The following AHCY variants were observed in gnomAD, a reference collection of about 807,000 sequenced individuals.
AHCY encodes S-adenosyl-L-homocysteine hydrolase.
AHCY carries 24 observed loss-of-function variants against 45.4 expected under a neutral mutation model. The observed-to-expected ratio is 0.53, with a 90% CI of 0.38 to 0.74. The LOEUF (loss-of-function observed/expected upper bound fraction) is 0.74. Among genes scored for constraint, AHCY ranks in the 30% least tolerant of loss-of-function variants. AHCY has a pLI of 0.00. For missense variants in AHCY, 449 were observed against 594.1 expected (o/e 0.76, Z 2.54); for synonymous variants, 245 against 235.1 (o/e 1.04, Z -0.39).
At chr20:34,249,870 T>C in the AHCY span, 2 of 152,230 alleles carry the variant, frequency 1.3e-5, no homozygotes, top group East Asian at 3.8e-4. Flanking sequence ...AAATCACATA[T>C]GCACAGTGTT....
chr20:34,308,955 ATT>A (rs769193254), intron 1 of AHCY, among the ~76,000 whole-genome samples: 23 of 89,556 alleles, frequency 2.6e-4, no homozygotes, highest in East Asian at 6.3e-4. Context: ...CGCCTGGCCA[ATT>A]TTTTTTTTTT....
intron 9 of AHCY, among the ~76,000 whole-genome samples, chr20:34,283,257 A>T (rs1254360227): frequency 6.6e-6 from 1 of 152,174 alleles, no homozygotes; most frequent in African/African-American, 2.4e-5. Flanking sequence ...GGACAGACAG[A>T]GCTAGGTTCT....
At chr20:34,263,762 G>A in the AHCY span, among the ~76,000 whole-genome samples, 12 of 150,936 alleles carry the variant, frequency 8.0e-5, no homozygotes, top group African/African-American at 1.5e-4. Flanking sequence ...TTCACCTGGC[G>A]AGTTCAAGCG....
downstream of AHCY, among the ~76,000 whole-genome samples, chr20:34,278,246 G>C (rs931888080): frequency 6.6e-6 from 1 of 152,194 alleles, no homozygotes; most frequent in African/African-American, 2.4e-5. Flanking sequence ...TCTGGGAACT[G>C]ACAGGACACC....
In AHCY at chr20:34,292,450, AG is replaced by A; in HGVS notation, c.352del (p.Leu118CysfsTer10). The A allele has an allele frequency of 6.2e-7, 1 of 1,614,112 alleles. No homozygotes were observed. Reference protein sequence around the residue: ...EEYLWCIEQTLYFKDGPLNMI... With the variant: ...EEYLWCIEQTXYFKDGPLNMI... ...GTTGAGGGGCCCGTCCTTGAAGTAC[AG>A]GGTCTGCTCAATGCACCACAGGTAC... On this transcript the variant is annotated frameshift_variant, in exon 4 of 10. Transcript: ENST00000217426. LOFTEE classifies it high-confidence loss of function.
chr20:34,303,018 C>T lies in AHCY; in HGVS notation c.28+225G>A, dbSNP rs895173001. 10 of 985,454 alleles carry T rather than the reference C, an allele frequency of 1.0e-5. No individual in the cohort carries two copies. The African/African-American group carries it at 1.6e-4, about 15-fold the overall frequency. The allele number at this position is 985,454 out of a possible 1,614,324, so 61.0% of individuals were successfully genotyped here. ...CTCGCAGACCGCGCGGCGGCCCCGG[C>T]GTCGCGGGGCATGCTGGGACTTGTA... is the stretch of plus-strand genomic sequence containing the variant. On this transcript the variant is annotated intron_variant, in intron 1 of 9. Coordinates refer to ENST00000217426, the MANE Select transcript of AHCY (RefSeq NM_000687.4).
At chr20:34,259,460 C>A in the AHCY span, among the ~76,000 whole-genome samples, 12 of 152,000 alleles carry the variant, frequency 7.9e-5, no homozygotes, top group Non-Finnish European at 1.5e-4. Context: ...TTGCAGTGAG[C>A]CAAGATCGTG....
Position 34,290,780 on chromosome 20 carries a change from G to GA in AHCY, c.716dup (p.Ile240HisfsTer6). The GA allele has an allele frequency of 6.2e-7, 1 of 1,613,884 alleles. No individual in the cohort carries two copies. The highest frequency in any genetic ancestry group is 8.5e-7 in the Non-Finnish European group (1 of 1,179,974). Reference sequence around the variant, plus strand: ...TGATGGGGTCAATCTCGGTGATGATGACGCGGGCTCCGAAACCCCGCAGGG... The same window carrying GA: ...TGATGGGGTCAATCTCGGTGATGATGAACGCGGGCTCCGAAACCCCGCAGGG... On this transcript the variant is annotated frameshift_variant, in exon 6 of 10. Transcript: ENST00000217426. LOFTEE classifies it high-confidence loss of function. This position sits in a 1 kb window ranked among gnomAD's most constrained non-coding sequence, Gnocchi z 4.5.
chr20:34,299,599 C>T (rs916930663), intron 1 of AHCY, among the ~76,000 whole-genome samples: 5 of 152,212 alleles, frequency 3.3e-5, no homozygotes, highest in African/African-American at 1.2e-4. Flanking sequence ...AACTACTCCC[C>T]TGAACTTGAG....
intron 1 of AHCY, among the ~76,000 whole-genome samples, chr20:34,310,605 A>G (rs1568822136): frequency 6.6e-6 from 1 of 152,238 alleles, no homozygotes; most frequent in African/African-American, 2.4e-5. Flanking sequence ...GAGCAAAATG[A>G]CGTTAAGAAC....
the AHCY span, among the ~76,000 whole-genome samples, chr20:34,241,083 T>C: frequency 5.9e-5 from 9 of 152,320 alleles, no homozygotes; most frequent in Non-Finnish European, 1.2e-4. Context: ...GAGGGGCTAA[T>C]AGAGGCACAG....
chr20:34,248,916 T>G, the AHCY span, among the ~76,000 whole-genome samples: 1 of 149,826 alleles, frequency 6.7e-6, no homozygotes, highest in Non-Finnish European at 1.5e-5. Context: ...AATCTAATAA[T>G]TCATCAGCCT....
At chr20:34,302,872 C>A (rs960993903) in intron 1 of AHCY, 1 of 985,342 alleles carries the variant, frequency 1.0e-6, no homozygotes. Flanking sequence ...CCCAGCTGGA[C>A]AGGGTCCGGT....
At chr20:34,306,515 C>T (rs1050289073), upstream of AHCY, among the ~76,000 whole-genome samples, 15 of 152,118 alleles carry the variant, frequency 9.9e-5, no homozygotes, top group South Asian at 2.7e-3. Context: ...ATTACAGGCA[C>T]ACGCTCCCAC....
chr20:34,270,250 TAAA>T, the AHCY span, among the ~76,000 whole-genome samples: 4 of 140,166 alleles, frequency 2.9e-5, no homozygotes, highest in African/African-American at 7.9e-5. Flanking sequence ...AAACTCTGGT[TAAA>T]AAAAAAAAAA....
Position 34,290,509 on chromosome 20 carries a change from C to T in AHCY, c.854+42G>A. ...GGGACAGAAAGCTGTCCCAACTCTG[C>T]CCTCCTCCCTCACTCCCCGGGACCC... On this transcript the variant is annotated intron_variant, in intron 7 of 9. Transcript: ENST00000217426. This position sits in a 1 kb window ranked among gnomAD's most constrained non-coding sequence, Gnocchi z 4.5. The T allele has an allele frequency of 6.2e-7, 1 of 1,613,418 alleles. No homozygotes were observed. Among genetic ancestry groups the T allele is most frequent in the Non-Finnish European group, 8.5e-7 (1 of 1,179,338 alleles).
chr20:34,307,207 G>A (rs1348500436), upstream of AHCY, among the ~76,000 whole-genome samples: 1 of 150,856 alleles, frequency 6.6e-6, no homozygotes, highest in East Asian at 1.9e-4. Context: ...TCCTGCCTCA[G>A]CCTCCTGAGT....
intron 8 of AHCY, among the ~76,000 whole-genome samples, chr20:34,288,289 G>A (rs1175000276): frequency 6.6e-6 from 1 of 152,190 alleles, no homozygotes; most frequent in African/African-American, 2.4e-5. Context: ...GGGTGTCAGG[G>A]CTTTGGCCAA....
chr20:34,254,636 G>A, the AHCY span, among the ~76,000 whole-genome samples: 2 of 152,020 alleles, frequency 1.3e-5, no homozygotes, highest in Non-Finnish European at 2.9e-5. Flanking sequence ...ATGCCTTTTT[G>A]CTATAGAAGC....
Sources: allele counts gnomAD v4.1 joint callset (sites outside exome capture counted in the v4.1 genomes callset), GRCh38; gene constraint gnomAD v4.1.1; non-coding constraint Gnocchi (gnomAD v3.1); transcripts MANE v1.5; gene names NCBI Gene and HGNC (gene_info 2026-07-23, HGNC 2026-07-21).